NGEF: variants seen among roughly 807,000 people sequenced by gnomAD.
The protein encoded by NGEF is neuronal guanine nucleotide exchange factor, also known as ephexin-1.
NGEF carries 31 observed loss-of-function variants against 80.9 expected under a neutral mutation model. The ratio of observed to expected loss-of-function variants is 0.38; its 90% CI spans 0.29 to 0.52. The LOEUF (loss-of-function observed/expected upper bound fraction) is 0.52, where lower values mean the gene tolerates loss of function less well. Among genes scored for constraint, NGEF ranks in the 20% least tolerant of loss-of-function variants. The probability of loss-of-function intolerance (pLI) is 0.84; values close to 1 mark genes in which losing one functional copy is unlikely to be tolerated. For synonymous variants in NGEF, 371 were observed against 370.2 expected (o/e 1.00, Z -0.03); for missense variants, 709 against 926.2 (o/e 0.77, Z 3.04).
At position 232,879,486 on chromosome 2, in the gene NGEF, G is replaced by A. The variant is rs757061431; in HGVS notation, c.*3C>T. On this transcript the variant is annotated 3_prime_UTR_variant, in exon 15 of 15. Transcript: ENST00000264051. The stretch of plus-strand genomic sequence containing the variant: ...CTGCTCCCGCTGGCCCCCTGGGTGG[G>A]GGTCATTGCCGATTCCGGCTGCCCA... 4 of 1,604,858 alleles carry A rather than the reference G, an allele frequency of 2.5e-6. No individual in the cohort carries two copies. In the East Asian group the frequency reaches 9.0e-5, roughly 36 times the overall value.
intron 5 of NGEF, 102 bp from the exon 6 acceptor site, chr2:232,895,018 T>C: frequency 7.4e-7 from 1 of 1,357,720 alleles, no homozygotes; most frequent in Non-Finnish European, 1.0e-6. Context: ...AGCAGGGAGT[T>C]GAAAGGGAAA....
At chr2:232,924,303 T>C (rs1693012861) in intron 4 of NGEF, among the ~76,000 whole-genome samples, 1 of 152,088 alleles carries the variant, frequency 6.6e-6, no homozygotes, top group Non-Finnish European at 1.5e-5. Flanking sequence ...GCCCCTTCCG[T>C]CCTGTGAGGA....
chr2:232,967,396 A>G (rs1449752378), intron 3 of NGEF, among the ~76,000 whole-genome samples: 5 of 152,024 alleles, frequency 3.3e-5, no homozygotes, highest in Non-Finnish European at 4.4e-5. Context: ...GTGCAGTGGC[A>G]TGATCTCAGC....
intron 1 of NGEF, among the ~76,000 whole-genome samples, chr2:232,990,456 A>G (rs1286695416): frequency 6.6e-6 from 1 of 152,126 alleles, no homozygotes; most frequent in Admixed American, 6.5e-5. Flanking sequence ...ACAAGTTAAT[A>G]TTTATAGTTT....
chr2:232,928,909 A>G (rs1008074299), intron 3 of NGEF, among the ~76,000 whole-genome samples: 2 of 152,224 alleles, frequency 1.3e-5, no homozygotes, highest in Admixed American at 1.3e-4. Flanking sequence ...CAGAAAGGAC[A>G]GTCGGAAGAG....
At chr2:232,975,503 T>C (rs550812278) in intron 1 of NGEF, among the ~76,000 whole-genome samples, 2 of 152,198 alleles carry the variant, frequency 1.3e-5, no homozygotes, top group African/African-American at 4.8e-5. Context: ...ATGGCCGTGG[T>C]GGAAGAATAA....
At chr2:232,979,632 G>A (rs967434637) in intron 1 of NGEF, among the ~76,000 whole-genome samples, 1 of 152,104 alleles carries the variant, frequency 6.6e-6, no homozygotes, top group African/African-American at 2.4e-5. Flanking sequence ...CAGGGTGGGG[G>A]AGCCTGGGGA....
At chr2:232,954,585 C>T (rs1191772885) in intron 3 of NGEF, among the ~76,000 whole-genome samples, 6 of 152,020 alleles carry the variant, frequency 3.9e-5, no homozygotes, top group East Asian at 1.9e-4. Flanking sequence ...ATTAGCCAGG[C>T]GTGGTGGCAG....
chr2:232,957,747 G>C (rs769114646), intron 3 of NGEF, among the ~76,000 whole-genome samples: 18 of 152,222 alleles, frequency 1.2e-4, no homozygotes, highest in Non-Finnish European at 2.2e-4. Context: ...TCTGGGTGTG[G>C]GCCTCTGCCC....
chr2:232,888,416 AC>A (rs1266013649), intron 8 of NGEF, among the ~76,000 whole-genome samples: 4 of 152,056 alleles, frequency 2.6e-5, no homozygotes, highest in Non-Finnish European at 4.4e-5. Flanking sequence ...ACATGCATGC[AC>A]ACACGTGCAT....
At chr2:232,989,512 T>C (rs990446290) in intron 1 of NGEF, among the ~76,000 whole-genome samples, 18 of 152,136 alleles carry the variant, frequency 1.2e-4, no homozygotes, top group African/African-American at 3.1e-4. Flanking sequence ...AAATTAAATA[T>C]GTCTTTTGAG....
chr2:232,938,549 G>T (rs1018605271), intron 3 of NGEF, among the ~76,000 whole-genome samples: 1 of 152,040 alleles, frequency 6.6e-6, no homozygotes, highest in Non-Finnish European at 1.5e-5. Context: ...ACCAAGAGGA[G>T]CCTGGGCTTT....
intron 14 of NGEF, among the ~76,000 whole-genome samples, chr2:232,880,063 G>A (rs578174615): frequency 4.6e-5 from 7 of 151,920 alleles, no homozygotes; most frequent in African/African-American, 7.2e-5. Context: ...GTTAGCTGGC[G>A]TGGACTGTGT....
intron 3 of NGEF, among the ~76,000 whole-genome samples, chr2:232,954,617 C>A (rs544304828): frequency 6.6e-6 from 1 of 151,234 alleles, no homozygotes; most frequent in East Asian, 2.0e-4. Context: ...CCCAGCTACT[C>A]GGGAGGCTGA....
At position 232,879,442 on chromosome 2, in the gene NGEF, T is replaced by A; in HGVS notation, c.*47A>T. 2.6e-6 allele frequency: 3 copies of A among 1,150,038 alleles called. No homozygotes were observed. The highest frequency in any genetic ancestry group is 2.5e-6 in the Non-Finnish European group (2 of 802,772). The allele number at this position is 1,150,038 out of a possible 1,614,324, so 71.2% of individuals were successfully genotyped here. ...AGAGCCCCCCCCCCCCCACCTTCTGTCGGGGTCTCATGCAGGCCCTGCTCC... is the reference window on the plus strand; with the variant it reads ...AGAGCCCCCCCCCCCCCACCTTCTGACGGGGTCTCATGCAGGCCCTGCTCC... On this transcript the variant is annotated 3_prime_UTR_variant, in exon 15 of 15. Transcript: ENST00000264051.
intron 1 of NGEF, among the ~76,000 whole-genome samples, chr2:232,981,336 C>T (rs1171451354): frequency 6.6e-6 from 1 of 151,608 alleles, no homozygotes; most frequent in Admixed American, 6.6e-5. Context: ...TAGCCCTTTC[C>T]CGAAAAGACC....
At chr2:232,898,023 G>A (rs1021208542) in intron 5 of NGEF, among the ~76,000 whole-genome samples, 1 of 151,998 alleles carries the variant, frequency 6.6e-6, no homozygotes, top group African/African-American at 2.4e-5. Flanking sequence ...ACCCCGAGTC[G>A]GCCAGTGTCC....
At chr2:232,900,626 TCA>T (rs1338408880) in intron 5 of NGEF, among the ~76,000 whole-genome samples, 51 of 123,272 alleles carry the variant, frequency 4.1e-4, no homozygotes, top group Non-Finnish European at 6.4e-4. Context: ...ACACACGCTC[TCA>T]CAGTCACTCA....
intron 5 of NGEF, chr2:232,901,567 G>T: frequency 2.7e-6 from 1 of 371,732 alleles, no homozygotes; most frequent in Non-Finnish European, 3.7e-6. Flanking sequence ...AGCAGACCGT[G>T]GACTGAAGGG....
Sources: gnomAD v4.1 joint callset for allele counts (sites outside exome capture counted in the v4.1 genomes callset) on GRCh38, gnomAD v4.1.1 for gene constraint, MANE v1.5 for transcripts, NCBI Gene and HGNC (gene_info 2026-07-23, HGNC 2026-07-21) for gene names.